Variants in BTD observed in about 807,000 individuals in gnomAD.
BTD encodes biotinidase, also known as biocytinase.
BTD carries 13 observed loss-of-function variants against 17.7 expected under a neutral mutation model. That is an observed-to-expected ratio of 0.74 (90% confidence interval 0.48 to 1.17). BTD has a LOEUF of 1.17. Ranked by LOEUF, BTD falls within the 50% of genes most tolerant of loss-of-function variation. The pLI, the probability that BTD is intolerant of heterozygous loss-of-function variation, is 0.00. For missense variants in BTD, 674 were observed against 650.4 expected (o/e 1.04, Z -0.39); for synonymous variants, 240 against 245.2 (o/e 0.98, Z 0.20).
intron 3 of BTD, chr3:15,668,854 G>A (rs568725996): frequency 1.3e-5 from 2 of 152,642 alleles, no homozygotes; most frequent in Admixed American, 1.3e-4. Flanking sequence ...ATACAAAAAG[G>A]ATAAAATGAA....
chr3:15,650,082 A>G lies in BTD; in HGVS notation c.*4594A>G, dbSNP rs1347402460. 3.9e-5 allele frequency among the ~76,000 whole-genome samples: 6 copies of G among 152,232 alleles called. No individual in the cohort carries two copies. The highest frequency in any genetic ancestry group is 8.8e-5 in the Non-Finnish European group (6 of 68,042). ...CCTCTAAGACCAGAGCCAGTGTCCT[A>G]TTCATCTTTTGTCTCTGCAGCGTTC... On this transcript the variant is annotated 3_prime_UTR_variant, in exon 4 of 4. Coordinates refer to ENST00000643237, the MANE Select transcript of BTD (RefSeq NM_001370658.1).
chr3:15,670,652 T>C, intron 3 of BTD: 1 of 1,213,764 alleles, frequency 8.2e-7, no homozygotes, highest in East Asian at 2.5e-5. Flanking sequence ...TTTAGACATA[T>C]TTTACATTAC....
At chr3:15,696,159 TA>T in intron 3 of BTD, 2 of 1,589,196 alleles carry the variant, frequency 1.3e-6, no homozygotes, top group Non-Finnish European at 8.6e-7. Flanking sequence ...ACGGTGACCA[TA>T]AGCAGCTGAA....
chr3:15,673,995 G>A (rs769023160), intron 3 of BTD, among the ~76,000 whole-genome samples: 2 of 151,542 alleles, frequency 1.3e-5, no homozygotes, highest in Non-Finnish European at 2.9e-5. Flanking sequence ...GGACAATATA[G>A]TGAGAGTCTG....
At chr3:15,663,890 T>A (rs2455806) in intron 3 of BTD, among the ~76,000 whole-genome samples, 39,818 of 152,114 alleles carry the variant, frequency 0.26, 6,044 homozygotes, top group Middle Eastern at 0.38. Context: ...GGTGAACACA[T>A]ACATGACTGA....
chr3:15,643,039 AAAAAATAAAAT>A (rs2065573346), intron 3 of BTD, among the ~76,000 whole-genome samples: 1 of 116,338 alleles, frequency 8.6e-6, no homozygotes, highest in South Asian at 2.5e-4. Context: ...AAAAAAAAAA[AAAAAATAAAAT>A]AAAATAAAGA....
rs564310644 is a variant in BTD, at chr3:15,699,670, A to C, written c.400-10390A>C. Reference sequence around the variant, plus strand: ...CACTGGTCATCAGAGAAATGCAAATAAAAACCACAATGAGACACTATCTCA... The same window carrying C: ...CACTGGTCATCAGAGAAATGCAAATCAAAACCACAATGAGACACTATCTCA... On this transcript the variant is annotated intron_variant, in intron 3 of 3. Transcript: ENST00000672141. Among the ~76,000 whole-genome samples the C allele has an allele frequency of 1.2e-3, 182 of 152,328 alleles. 1 individual carries two copies. Among genetic ancestry groups the C allele is most frequent in the Admixed American group, 6.1e-3 (93 of 15,296 alleles).
chr3:15,677,584 A>G (rs751359425), intron 3 of BTD: 15 of 1,546,020 alleles, frequency 9.7e-6, no homozygotes, highest in South Asian at 6.8e-5. Flanking sequence ...AAGTGCATCA[A>G]TTCTTATGTT....
chr3:15,691,090 AAAGT>A (rs2125830277), intron 3 of BTD, among the ~76,000 whole-genome samples: 1 of 152,282 alleles, frequency 6.6e-6, no homozygotes, highest in Admixed American at 6.5e-5. Flanking sequence ...TAGCTGTACA[AAAGT>A]AAGACTGAAG....
At chr3:15,713,034 T>C (rs905947136), downstream of BTD, among the ~76,000 whole-genome samples, 6 of 152,166 alleles carry the variant, frequency 3.9e-5, no homozygotes, top group Admixed American at 2.0e-4. Context: ...AAACAAAATA[T>C]TACAATGGGA....
At chr3:15,676,857 A>G in intron 3 of BTD, 2 of 724,536 alleles carry the variant, frequency 2.8e-6, no homozygotes, top group East Asian at 2.8e-5. Context: ...TAAAACTATT[A>G]AAATTGCTTC....
intron 3 of BTD, chr3:15,667,493 C>T (rs1420090990): frequency 6.6e-6 from 1 of 152,206 alleles, no homozygotes. Context: ...ACAGGCTTTT[C>T]TACTCTGTGT....
At chr3:15,606,036 C>T (rs1189734473) in intron 1 of BTD, among the ~76,000 whole-genome samples, 6 of 110,650 alleles carry the variant, frequency 5.4e-5, no homozygotes, top group Non-Finnish European at 8.6e-5. Flanking sequence ...GAGCGAGACC[C>T]TGTCTCAAAA....
chr3:15,703,498 T>G (rs950463045), intron 3 of BTD, among the ~76,000 whole-genome samples: 5 of 152,172 alleles, frequency 3.3e-5, no homozygotes, highest in Non-Finnish European at 7.3e-5. Context: ...CCAAAAGAGC[T>G]CTCATTCCTT....
chr3:15,626,029 C>G (rs1435623500), intron 1 of BTD, among the ~76,000 whole-genome samples: 4 of 152,166 alleles, frequency 2.6e-5, no homozygotes, highest in Non-Finnish European at 4.4e-5. Context: ...TTTATTTCAA[C>G]TGTTCCAAAT....
chr3:15,602,177 CAG>C, intron 1 of BTD: 1 of 1,404,590 alleles, frequency 7.1e-7, no homozygotes. Context: ...AATCCAGAAG[CAG>C]ATGTGTACCC....
At chr3:15,687,003 G>A (rs1203962244) in intron 3 of BTD, among the ~76,000 whole-genome samples, 1 of 151,452 alleles carries the variant, frequency 6.6e-6, no homozygotes, top group Non-Finnish European at 1.5e-5. Context: ...GAGTGTAGTG[G>A]TGTGATCTTG....
chr3:15,711,770 T>C (rs1363037685), exon 4 of BTD, among the ~76,000 whole-genome samples: 2 of 152,038 alleles, frequency 1.3e-5, no homozygotes, highest in Non-Finnish European at 1.5e-5. Context: ...TACTGCAACC[T>C]CTGCCTCCTG....
At chr3:15,620,513 G>A (rs557969611) in intron 1 of BTD, among the ~76,000 whole-genome samples, 7 of 152,026 alleles carry the variant, frequency 4.6e-5, no homozygotes, top group South Asian at 2.1e-4. Context: ...CATAAAAATC[G>A]CTATTATTCT....
Sources: gnomAD v4.1 joint callset for allele counts (sites outside exome capture counted in the v4.1 genomes callset) on GRCh38, gnomAD v4.1.1 for gene constraint, MANE v1.5 for transcripts, NCBI Gene and HGNC (gene_info 2026-07-23, HGNC 2026-07-21) for gene names.